Variants in CRB1 observed in about 807,000 individuals in gnomAD.
The protein encoded by CRB1 is crumbs cell polarity complex component 1, also known as protein crumbs homolog 1.
In CRB1, 83 loss-of-function variants were observed where a neutral mutation model predicts 120.0. That is an observed-to-expected ratio of 0.69 (90% CI 0.58 to 0.83). CRB1 has a LOEUF of 0.83. Among genes scored for constraint, CRB1 ranks in the 40% least tolerant of loss-of-function variants. CRB1 has a pLI of 0.00. For missense variants in CRB1, 1,699 were observed against 1,687.6 expected (o/e 1.01, Z -0.12); for synonymous variants, 625 against 612.5 (o/e 1.02, Z -0.30).
chr1:197,470,280 C>T (rs1411434920), intron 11 of CRB1, among the ~76,000 whole-genome samples: 1 of 152,116 alleles, frequency 6.6e-6, no homozygotes, highest in East Asian at 1.9e-4. Context: ...ATAGACTTCA[C>T]ATGGTACTGA....
intron 1 of CRB1, among the ~76,000 whole-genome samples, chr1:197,313,496 T>C (rs1342764849): frequency 1.3e-5 from 2 of 152,258 alleles, no homozygotes; most frequent in Non-Finnish European, 2.9e-5. Context: ...AAATATGCAG[T>C]AAATTATGGT....
chr1:197,359,625 T>G (rs550500618), intron 5 of CRB1, among the ~76,000 whole-genome samples: 1 of 152,320 alleles, frequency 6.6e-6, no homozygotes, highest in East Asian at 1.9e-4. Flanking sequence ...GGAGTAAAAT[T>G]GCTGGTTCCT....
chr1:197,437,054 T>C (rs1665195858), intron 9 of CRB1, among the ~76,000 whole-genome samples: 1 of 152,168 alleles, frequency 6.6e-6, no homozygotes, highest in Admixed American at 6.6e-5. Flanking sequence ...GAAGTTATTA[T>C]TGTTTTTACA....
the CRB1 span, chr1:197,223,048 C>G: frequency 1.3e-6 from 1 of 789,642 alleles, no homozygotes; most frequent in Middle Eastern, 2.3e-4. Context: ...CAAGGACTAT[C>G]TTTGAGGCAA....
At chr1:197,369,436 A>C (rs1414069461) in intron 5 of CRB1, among the ~76,000 whole-genome samples, 1 of 152,050 alleles carries the variant, frequency 6.6e-6, no homozygotes, top group East Asian at 1.9e-4. Context: ...GGGCAAGAAA[A>C]AGTATCCAAA....
the CRB1 span, among the ~76,000 whole-genome samples, chr1:197,216,929 A>G: frequency 6.6e-6 from 1 of 152,164 alleles, no homozygotes; most frequent in Non-Finnish European, 1.5e-5. Context: ...AAGAAAGGAC[A>G]TTCTCAAGAA....
intron 1 of CRB1, among the ~76,000 whole-genome samples, chr1:197,297,502 A>T (rs1571790509): frequency 6.6e-6 from 1 of 152,060 alleles, no homozygotes; most frequent in Non-Finnish European, 1.5e-5. Flanking sequence ...AAAGTACTGC[A>T]TGGGAGTGCA....
the CRB1 span, among the ~76,000 whole-genome samples, chr1:197,232,248 A>G: frequency 7.2e-4 from 109 of 152,316 alleles, no homozygotes; most frequent in African/African-American, 2.4e-3. Context: ...TTGGATTTTG[A>G]CATTCAAATC....
At position 197,421,561 on chromosome 1, in the gene CRB1, T is replaced by A. The variant is rs1266363944; in HGVS notation, c.1733T>A (p.Val578Glu). The part of the protein sequence containing the change: ...HFVEVIFAEA[V>E]TLTLIDDSCK... ...GTGGAGGTAATATTTGCAGAGGCTG[T>A]GACCCTTACCTTAATCGACGACTCC... Residue 578 changes from valine (V) to glutamate (E), a missense_variant, in exon 6 of 12, where the codon GTG (valine) becomes GAG (glutamate). Transcript: ENST00000367400. The A allele has an allele frequency of 6.2e-7, 1 of 1,614,248 alleles. No homozygotes were observed. The highest frequency in any genetic ancestry group is 1.6e-4 in the Middle Eastern group (1 of 6,062).
At chr1:197,470,379 C>G (rs190668289) in intron 11 of CRB1, among the ~76,000 whole-genome samples, 1 of 152,264 alleles carries the variant, frequency 6.6e-6, no homozygotes, top group African/African-American at 2.4e-5. Context: ...GTAACACCTA[C>G]CTAGTTGAGT....
At chr1:197,249,288 C>G in the CRB1 span, among the ~76,000 whole-genome samples, 1 of 151,880 alleles carries the variant, frequency 6.6e-6, no homozygotes, top group African/African-American at 2.4e-5. Flanking sequence ...TTTTGATGGA[C>G]ATACATTTTT....
the CRB1 span, among the ~76,000 whole-genome samples, chr1:197,210,616 C>A: frequency 6.6e-6 from 1 of 151,904 alleles, no homozygotes; most frequent in African/African-American, 2.4e-5. Context: ...TATCTAAGAG[C>A]CTATTGCTTC....
intron 5 of CRB1, among the ~76,000 whole-genome samples, chr1:197,402,858 T>C (rs990900641): frequency 6.6e-6 from 1 of 152,220 alleles, no homozygotes; most frequent in African/African-American, 2.4e-5. Flanking sequence ...GTTTTCCACT[T>C]TTCTGCCCCC....
chr1:197,317,063 G>A (rs905132156), intron 1 of CRB1, among the ~76,000 whole-genome samples: 5 of 152,156 alleles, frequency 3.3e-5, no homozygotes, highest in African/African-American at 1.2e-4. Context: ...AAATAATATT[G>A]TTAAAATGTC....
the CRB1 span, chr1:197,223,123 C>T: frequency 1.0e-5 from 9 of 857,476 alleles, no homozygotes; most frequent in Non-Finnish European, 1.6e-5. Flanking sequence ...CAGTGATTTT[C>T]AACATGATAC....
intron 1 of CRB1, among the ~76,000 whole-genome samples, chr1:197,277,253 A>G (rs1423188853): frequency 6.6e-6 from 1 of 152,042 alleles, no homozygotes; most frequent in African/African-American, 2.4e-5. Flanking sequence ...AACCTAGATT[A>G]ACCGCATTGT....
chr1:197,231,608 GA>G, the CRB1 span, among the ~76,000 whole-genome samples: 5 of 152,168 alleles, frequency 3.3e-5, no homozygotes, highest in Non-Finnish European at 7.4e-5. Flanking sequence ...CACAATAAGC[GA>G]TGTAGAAAAT....
Position 197,427,968 on chromosome 1 carries a change from A to G in CRB1, c.2643A>G (p.Val881=), listed in dbSNP as rs1434264303. The G allele has an allele frequency of 3.7e-6, 6 of 1,613,968 alleles. No homozygotes were observed. Among genetic ancestry groups the G allele is most frequent in the Non-Finnish European group, 5.1e-6 (6 of 1,179,958 alleles). Residue 881 remains valine (V), a synonymous_variant, in exon 7 of 12, where the codon GTA becomes GTG. Coordinates refer to ENST00000367400, the MANE Select transcript of CRB1 (RefSeq NM_201253.3). ...CTCTCAATCCAGTTCTTGTCAATGT[A>G]ACCCAAGGCTGTGCTGGAGACAACA... The part of the protein sequence containing the change: ...NASLNPVLVN[V]TQGCAGDNSC...
At chr1:197,289,933 T>A (rs937414189) in intron 1 of CRB1, among the ~76,000 whole-genome samples, 1 of 151,660 alleles carries the variant, frequency 6.6e-6, no homozygotes, top group Non-Finnish European at 1.5e-5. Flanking sequence ...TAGATGATTA[T>A]ATATCTGTAG....
Sources: allele counts gnomAD v4.1 joint callset (sites outside exome capture counted in the v4.1 genomes callset), GRCh38; gene constraint gnomAD v4.1.1; transcripts MANE v1.5; gene names NCBI Gene and HGNC (gene_info 2026-07-23, HGNC 2026-07-21).